Variants in DYM observed in about 807,000 individuals in gnomAD.
DYM encodes dyggve-Melchior-Clausen syndrome protein.
A neutral mutation model predicts 93.1 loss-of-function variants in DYM; 78 were observed. That is an observed-to-expected ratio of 0.84 (90% CI 0.70 to 1.01). The LOEUF (loss-of-function observed/expected upper bound fraction) is 1.01. Ranked by LOEUF, DYM falls within the 50% of genes least tolerant of loss-of-function variation. The pLI is 0.00. For missense variants in DYM, 789 were observed against 845.0 expected (o/e 0.93, Z 0.82); for synonymous variants, 321 against 319.7 (o/e 1.00, Z -0.04).
At chr18:49,404,907 G>A (rs2071284400) in intron 2 of DYM, among the ~76,000 whole-genome samples, 1 of 151,820 alleles carries the variant, frequency 6.6e-6, no homozygotes, top group Admixed American at 6.6e-5. Context: ...CAGCTACTCG[G>A]GAGGCTGAAG....
chr18:49,252,155 T>G (rs1047880268), intron 13 of DYM, among the ~76,000 whole-genome samples: 1 of 130,226 alleles, frequency 7.7e-6, no homozygotes, highest in Non-Finnish European at 1.5e-5. Flanking sequence ...GAGGTGGAGG[T>G]TGCAGTAAGC....
Position 49,388,205 on chromosome 18 carries a change from C to G in DYM, c.193+3388G>C, listed in dbSNP as rs146266380. Among the ~76,000 whole-genome samples, 9 of 152,194 alleles carry G rather than the reference C, an allele frequency of 5.9e-5. No individual in the cohort carries two copies. In the East Asian group the frequency reaches 1.5e-3, roughly 26 times the overall value. On this transcript the variant is annotated intron_variant, in intron 3 of 17. Coordinates refer to ENST00000675505, the MANE Select transcript of DYM (RefSeq NM_001353214.3). ...ATTATCCAGGCATGGTGACATATGC[C>G]TGTAATCCCAGCTACTCAGGAGGCT... is the stretch of plus-strand genomic sequence containing the variant.
chr18:49,324,686 A>T (rs995513589), intron 8 of DYM, among the ~76,000 whole-genome samples: 6 of 152,224 alleles, frequency 3.9e-5, no homozygotes, highest in Non-Finnish European at 8.8e-5. Flanking sequence ...ATTGTCTTAT[A>T]TAAATTTGTC....
chr18:49,130,573 A>AT (rs34403965), intron 15 of DYM, among the ~76,000 whole-genome samples: 5 of 151,970 alleles, frequency 3.3e-5, no homozygotes, highest in African/African-American at 9.6e-5. Context: ...TACTAAAACA[A>AT]TTTTTTTTTT....
At chr18:49,098,712 G>C (rs2079813951) in intron 16 of DYM, among the ~76,000 whole-genome samples, 3 of 152,172 alleles carry the variant, frequency 2.0e-5, no homozygotes. Flanking sequence ...GTGCCTGTGG[G>C]CCTTGTTCTT....
chr18:49,347,945 T>C (rs1024528358), intron 6 of DYM, among the ~76,000 whole-genome samples: 3 of 152,214 alleles, frequency 2.0e-5, no homozygotes, highest in African/African-American at 7.2e-5. Flanking sequence ...TTGGCTGCCA[T>C]ATTATCCCAA....
intron 2 of DYM, among the ~76,000 whole-genome samples, chr18:49,393,368 A>G (rs889726473): frequency 1.3e-5 from 2 of 152,218 alleles, no homozygotes; most frequent in African/African-American, 4.8e-5. Flanking sequence ...TGTCCATGGC[A>G]GCTCCACTAA....
At chr18:49,069,431 C>G (rs1470278902) in intron 17 of DYM, among the ~76,000 whole-genome samples, 2 of 152,230 alleles carry the variant, frequency 1.3e-5, no homozygotes, top group Non-Finnish European at 2.9e-5. Flanking sequence ...GATACCAGCT[C>G]TATGTCCTGT....
intron 8 of DYM, 61 bp from the exon 9 acceptor site, chr18:49,286,677 A>G (rs966964912): frequency 6.6e-7 from 1 of 1,506,224 alleles, no homozygotes; most frequent in African/African-American, 1.4e-5. Context: ...GTATTTCTGT[A>G]AAGTATTCTG....
chr18:49,367,248 T>C (rs1568326169), intron 5 of DYM, among the ~76,000 whole-genome samples: 1 of 152,226 alleles, frequency 6.6e-6, no homozygotes, highest in Non-Finnish European at 1.5e-5. Context: ...TCATCCGTAT[T>C]GTGCAGAACA....
At chr18:49,441,794 A>C (rs1292125638) in intron 1 of DYM, among the ~76,000 whole-genome samples, 1 of 152,056 alleles carries the variant, frequency 6.6e-6, no homozygotes, top group African/African-American at 2.4e-5. Context: ...AGCGAGAGAC[A>C]GGGCACTGGG....
intron 8 of DYM, among the ~76,000 whole-genome samples, chr18:49,327,894 G>C (rs1449984752): frequency 2.0e-5 from 3 of 152,094 alleles, no homozygotes; most frequent in Admixed American, 2.0e-4. Context: ...GCGCTCTGCT[G>C]GATACTGCAG....
chr18:49,128,238 G>A (rs2083019982), intron 15 of DYM, among the ~76,000 whole-genome samples: 1 of 152,154 alleles, frequency 6.6e-6, no homozygotes, highest in South Asian at 2.1e-4. Flanking sequence ...CAGAACTTGG[G>A]GTGCAGAATA....
At chr18:49,365,858 G>A (rs1248935135) in intron 5 of DYM, among the ~76,000 whole-genome samples, 1 of 152,120 alleles carries the variant, frequency 6.6e-6, no homozygotes, top group African/African-American at 2.4e-5. Context: ...TGATGACAAG[G>A]ATTCTCTATT....
chr18:49,190,411 GAAACCACCCTAACCA>G (rs2145668942), intron 14 of DYM, among the ~76,000 whole-genome samples: 2 of 152,248 alleles, frequency 1.3e-5, no homozygotes, highest in South Asian at 4.2e-4. Flanking sequence ...GAAACTTAAT[GAAACCACCCTAACCA>G]GACATACATT....
At chr18:49,253,541 A>G (rs570810723) in intron 13 of DYM, among the ~76,000 whole-genome samples, 1 of 152,266 alleles carries the variant, frequency 6.6e-6, no homozygotes, top group East Asian at 1.9e-4. Context: ...TCATCTGGGG[A>G]TCTTGTTAGA....
At chr18:49,340,577 T>C (rs1026068080) in intron 6 of DYM, among the ~76,000 whole-genome samples, 1 of 152,178 alleles carries the variant, frequency 6.6e-6, no homozygotes, top group African/African-American at 2.4e-5. Flanking sequence ...CTGATGATAA[T>C]AGTGCTAAAG....
chr18:49,289,772 T>TACAC (rs1397770081), intron 8 of DYM, among the ~76,000 whole-genome samples: 27 of 36,634 alleles, frequency 7.4e-4, no homozygotes, highest in East Asian at 6.5e-3. Context: ...TATATATATA[T>TACAC]ACACATATAT....
At chr18:49,349,791 A>T (rs940663367) in intron 6 of DYM, among the ~76,000 whole-genome samples, 2 of 152,070 alleles carry the variant, frequency 1.3e-5, no homozygotes. Flanking sequence ...CCTCATCTCT[A>T]CTAAAAATTT....
Sources: gnomAD v4.1 joint callset for allele counts (sites outside exome capture counted in the v4.1 genomes callset) on GRCh38, gnomAD v4.1.1 for gene constraint, MANE v1.5 for transcripts, NCBI Gene and HGNC (gene_info 2026-07-23, HGNC 2026-07-21) for gene names.